Variants in FAM168B observed in about 807,000 individuals in gnomAD.
The protein encoded by FAM168B is myelin-associated neurite-outgrowth inhibitor.
Under a neutral mutation model 21.8 loss-of-function variants are expected in FAM168B, and 19 were observed. The observed-to-expected ratio is 0.87, with a 90% confidence interval of 0.61 to 1.28. The LOEUF is 1.28. Among genes scored for constraint, FAM168B ranks in the 50% most tolerant of loss-of-function variants. The pLI is 0.00. For synonymous variants in FAM168B, 126 were observed against 104.8 expected (o/e 1.20, Z -1.24); for missense variants, 233 against 263.1 (o/e 0.89, Z 0.79).
At chr2:131,053,854 A>G (rs1691846542) in intron 5 of FAM168B, among the ~76,000 whole-genome samples, 1 of 152,066 alleles carries the variant, frequency 6.6e-6, no homozygotes, top group African/African-American at 2.4e-5. Flanking sequence ...AAGCCTGGGC[A>G]AAAGGGCAAG....
chr2:131,067,097 C>A (rs1031318350), intron 3 of FAM168B, among the ~76,000 whole-genome samples: 3 of 152,088 alleles, frequency 2.0e-5, no homozygotes, highest in African/African-American at 4.8e-5. Flanking sequence ...TTACCTCCCA[C>A]CAGGTCCCTC....
In FAM168B at chr2:131,048,414, G is replaced by A. The variant is rs547330093; in HGVS notation, c.*4051C>T. The A allele has an allele frequency of 1.0e-5, 13 of 1,260,352 alleles. No individual in the cohort carries two copies. The highest frequency in any genetic ancestry group is 9.8e-5 in the Admixed American group (4 of 40,896). The allele number at this position is 1,260,352 out of a possible 1,614,324, so 78.1% of individuals were successfully genotyped here. A position where few individuals can be genotyped will look rare whatever the true frequency, so the allele number is the denominator to read the frequency against. ...CCACCCTTCTGCAGGCCCGGGGGGG[G>A]GTCCCTACACAGACGCCGCTCATCC... On this transcript the variant is annotated 3_prime_UTR_variant, in exon 7 of 7. Transcript: ENST00000389915.
intron 3 of FAM168B, among the ~76,000 whole-genome samples, chr2:131,068,995 G>A (rs940372167): frequency 4.6e-5 from 7 of 152,168 alleles, no homozygotes; most frequent in South Asian, 2.1e-4. Flanking sequence ...CAGCCTGGGC[G>A]ACAGAGCAAG....
intron 2 of FAM168B, among the ~76,000 whole-genome samples, chr2:131,082,190 T>C (rs948183412): frequency 2.0e-5 from 3 of 152,150 alleles, no homozygotes; most frequent in African/African-American, 7.2e-5. Flanking sequence ...AGCCCAGGAC[T>C]GGTTTGAATA....
At chr2:131,065,897 AAC>A (rs1333042628) in intron 3 of FAM168B, among the ~76,000 whole-genome samples, 2 of 152,174 alleles carry the variant, frequency 1.3e-5, no homozygotes, top group East Asian at 3.8e-4. Flanking sequence ...AAACCAGATA[AAC>A]ACTGTGTGAT....
At chr2:131,092,339 TGTCA>T (rs1694076727) in intron 1 of FAM168B, among the ~76,000 whole-genome samples, 1 of 152,066 alleles carries the variant, frequency 6.6e-6, no homozygotes, top group African/African-American at 2.4e-5. Context: ...AAATCTTGGC[TGTCA>T]AAGCAAAAAT....
intron 1 of FAM168B, among the ~76,000 whole-genome samples, chr2:131,085,573 G>A (rs1693650441): frequency 6.6e-6 from 1 of 152,156 alleles, no homozygotes; most frequent in African/African-American, 2.4e-5. Context: ...GTCTCATTTA[G>A]AATATTCACA....
intron 2 of FAM168B, among the ~76,000 whole-genome samples, chr2:131,073,915 G>C (rs956463468): frequency 3.3e-5 from 5 of 152,184 alleles, no homozygotes; most frequent in African/African-American, 9.7e-5. Context: ...ATCTTATTAA[G>C]ACTAAACCAT....
In FAM168B at chr2:131,055,710, G is replaced by A. The variant is rs537616716; in HGVS notation, c.155-15C>T. ...AGGAGTGTAACCTGGAACAAAGAAG[G>A]CAATGGCCTGAGTTCACCCAAGCCG... is the stretch of plus-strand genomic sequence containing the variant. On this transcript the variant is annotated splice_polypyrimidine_tract_variant and intron_variant, in intron 3 of 6. Transcript: ENST00000389915. The A allele has an allele frequency of 6.8e-6, 11 of 1,612,508 alleles. No homozygotes were observed. Among genetic ancestry groups the A allele is most frequent in the Non-Finnish European group, 8.5e-6 (10 of 1,179,316 alleles).
At chr2:131,054,104 A>G (rs1168669493) in intron 5 of FAM168B, among the ~76,000 whole-genome samples, 2 of 151,746 alleles carry the variant, frequency 1.3e-5, no homozygotes, top group African/African-American at 4.8e-5. Flanking sequence ...AGCTACTGGG[A>G]AGGATGAGGT....
At chr2:131,082,697 T>C in intron 1 of FAM168B, 40 bp from the exon 2 acceptor site, 1 of 1,423,814 alleles carries the variant, frequency 7.0e-7, no homozygotes, top group Non-Finnish European at 9.6e-7. Context: ...GCACTTTTGC[T>C]CTCAGATTTT....
intron 2 of FAM168B, among the ~76,000 whole-genome samples, chr2:131,077,790 T>C (rs557947729): frequency 3.3e-5 from 5 of 152,228 alleles, no homozygotes; most frequent in African/African-American, 2.4e-5. Context: ...CTTTAAGACA[T>C]ATGTCAAATT....
intron 2 of FAM168B, among the ~76,000 whole-genome samples, chr2:131,078,815 T>C (rs758199552): frequency 6.6e-6 from 1 of 151,626 alleles, no homozygotes; most frequent in Non-Finnish European, 1.5e-5. Flanking sequence ...ACCCGATCTC[T>C]ACAAAAATTA....
intron 3 of FAM168B, among the ~76,000 whole-genome samples, chr2:131,060,689 A>C (rs541472213): frequency 4.3e-4 from 65 of 152,322 alleles, no homozygotes; most frequent in Admixed American, 9.1e-4. Context: ...ACTCAAGTCC[A>C]TTGGACAAGA....
rs74792956 is a variant in FAM168B, at chr2:131,064,993, A to G, written c.154+6862T>C. ...AGGGACACCGCAGTAGATGCAGAAG[A>G]AACTGCAACAGGGCACAGGACAACA... On this transcript the variant is annotated intron_variant, in intron 3 of 6. Coordinates refer to ENST00000389915, the MANE Select transcript of FAM168B (RefSeq NM_001009993.4). Among the ~76,000 whole-genome samples, 402 of 152,368 alleles carry G rather than the reference A, an allele frequency of 2.6e-3. 1 individual carries two copies. Among genetic ancestry groups the G allele is most frequent in the African/African-American group, 8.5e-3 (353 of 41,584 alleles).
At chr2:131,075,737 C>T (rs548320761) in intron 2 of FAM168B, among the ~76,000 whole-genome samples, 1 of 152,232 alleles carries the variant, frequency 6.6e-6, no homozygotes, top group African/African-American at 2.4e-5. Flanking sequence ...ATCCGCCCAC[C>T]CCGGCCTCCC....
At chr2:131,086,790 G>T (rs1693724112) in intron 1 of FAM168B, among the ~76,000 whole-genome samples, 1 of 95,474 alleles carries the variant, frequency 1.0e-5, no homozygotes, top group Non-Finnish European at 1.9e-5. Flanking sequence ...GAAAGGCCGG[G>T]CGCGGTGGCT....
chr2:131,060,402 T>C (rs1692234082), intron 3 of FAM168B, among the ~76,000 whole-genome samples: 1 of 152,178 alleles, frequency 6.6e-6, no homozygotes, highest in Admixed American at 6.5e-5. Flanking sequence ...TGTATTTCTG[T>C]AAATATCTGA....
chr2:131,081,032 T>A (rs1558989438), intron 2 of FAM168B, among the ~76,000 whole-genome samples: 1 of 152,190 alleles, frequency 6.6e-6, no homozygotes, highest in Non-Finnish European at 1.5e-5. Flanking sequence ...CAGATGTTTC[T>A]TTACTGTTCT....
Sources: allele counts gnomAD v4.1 joint callset (sites outside exome capture counted in the v4.1 genomes callset), GRCh38; gene constraint gnomAD v4.1.1; transcripts MANE v1.5; gene names NCBI Gene and HGNC (gene_info 2026-07-23, HGNC 2026-07-21).